Variants in PPP4R3A observed in about 807,000 individuals in gnomAD.
The protein encoded by PPP4R3A is protein phosphatase 4 regulatory subunit 3A, also known as serine/threonine-protein phosphatase 4 regulatory subunit 3A.
In PPP4R3A, 15 loss-of-function variants were observed where a neutral mutation model predicts 91.7. The ratio of observed to expected loss-of-function variants is 0.16; its 90% CI spans 0.11 to 0.25. The LOEUF (loss-of-function observed/expected upper bound fraction) is 0.25. Among genes scored for constraint, PPP4R3A ranks in the 10% least tolerant of loss-of-function variants. PPP4R3A has a pLI of 1.00. For synonymous variants in PPP4R3A, 377 were observed against 348.7 expected (o/e 1.08, Z -0.91); for missense variants, 623 against 998.4 (o/e 0.62, Z 5.07).
intron 1 of PPP4R3A, among the ~76,000 whole-genome samples, chr14:91,507,618 A>T (rs1193673621): frequency 9.7e-5 from 4 of 41,054 alleles, no homozygotes; most frequent in Non-Finnish European, 1.9e-4. Flanking sequence ...ATAGTTATAT[A>T]TACTATTATA....
chr14:91,488,769 G>A (rs1451938539), intron 2 of PPP4R3A, among the ~76,000 whole-genome samples: 10 of 152,006 alleles, frequency 6.6e-5, no homozygotes, highest in Admixed American at 2.0e-4. Flanking sequence ...AAGAGGCCAC[G>A]GTATAAATTC....
At chr14:91,485,246 G>A (rs1889814747) in intron 3 of PPP4R3A, among the ~76,000 whole-genome samples, 1 of 152,336 alleles carries the variant, frequency 6.6e-6, no homozygotes, top group South Asian at 2.1e-4. Flanking sequence ...TCGAGGGACT[G>A]AATGGATAAA....
At chr14:91,482,298 G>C in intron 3 of PPP4R3A, 105 bp from the exon 4 acceptor site, 1 of 1,279,004 alleles carries the variant, frequency 7.8e-7, no homozygotes, top group Middle Eastern at 1.9e-4. Context: ...AACCTATAAT[G>C]GTCATTTTCA....
At chr14:91,474,629 T>A (rs1407569078) in intron 7 of PPP4R3A, 15 of 152,022 alleles carry the variant, frequency 9.9e-5, no homozygotes, top group Admixed American at 9.8e-4. Flanking sequence ...CAAAGAATTT[T>A]TTTTTTTTTT....
intron 10 of PPP4R3A, among the ~76,000 whole-genome samples, chr14:91,470,274 T>C (rs1431384437): frequency 1.3e-5 from 2 of 152,230 alleles, no homozygotes; most frequent in African/African-American, 4.8e-5. Context: ...AACATGGTTT[T>C]CTCTAACAAA....
intron 2 of PPP4R3A, among the ~76,000 whole-genome samples, chr14:91,489,967 T>C (rs1846987285): frequency 6.6e-6 from 1 of 152,230 alleles, no homozygotes; most frequent in South Asian, 2.1e-4. Context: ...AACTTCTTTC[T>C]AGTATTTTAA....
At position 91,485,580 on chromosome 14, in the gene PPP4R3A, AAAAACT is replaced by A. The variant is rs1344379213; in HGVS notation, c.297+46_297+51del. 3 of 1,353,172 alleles carry A rather than the reference AAAAACT, an allele frequency of 2.2e-6. No homozygotes were observed. The Admixed American group carries it at 5.8e-5, about 26-fold the overall frequency. The allele number at this position is 1,353,172 out of a possible 1,614,324, so 83.8% of individuals were successfully genotyped here. ...TTGGGCATTAGTTGAAAGCATGGCA[AAAAACT>A]AAACACTTAAAGAAAGCATGTTGAT... On this transcript the variant is annotated intron_variant, in intron 3 of 14. Coordinates refer to ENST00000554943, the MANE Select transcript of PPP4R3A (RefSeq NM_001366432.2).
At chr14:91,471,626 G>A (rs550023269) in intron 9 of PPP4R3A, among the ~76,000 whole-genome samples, 1 of 152,306 alleles carries the variant, frequency 6.6e-6, no homozygotes, top group South Asian at 2.1e-4. Context: ...AGAACATGTG[G>A]TTTGGAAAGA....
chr14:91,485,024 G>A (rs887978626), intron 3 of PPP4R3A, among the ~76,000 whole-genome samples: 3 of 152,298 alleles, frequency 2.0e-5, no homozygotes, highest in Admixed American at 6.5e-5. Flanking sequence ...AAGTACAAGG[G>A]TGGGTTTTCT....
At chr14:91,504,723 C>G (rs1041752091) in intron 1 of PPP4R3A, among the ~76,000 whole-genome samples, 2 of 152,174 alleles carry the variant, frequency 1.3e-5, no homozygotes, top group Non-Finnish European at 2.9e-5. Context: ...AGTGGGACAT[C>G]CCTTTTCCTC....
intron 14 of PPP4R3A, among the ~76,000 whole-genome samples, chr14:91,460,411 G>T (rs1050068629): frequency 6.6e-6 from 1 of 151,554 alleles, no homozygotes; most frequent in Non-Finnish European, 1.5e-5. Flanking sequence ...CTTCTTAGCC[G>T]TCAGGAGTCT....
chr14:91,495,199 TAC>T (rs898571443), intron 1 of PPP4R3A, among the ~76,000 whole-genome samples: 44 of 152,228 alleles, frequency 2.9e-4, no homozygotes, highest in African/African-American at 1.0e-3. Context: ...TATACTCAGC[TAC>T]ACAGAGTAAT....
chr14:91,483,859 C>G (rs1441025576), intron 3 of PPP4R3A, among the ~76,000 whole-genome samples: 1 of 151,998 alleles, frequency 6.6e-6, no homozygotes, highest in Non-Finnish European at 1.5e-5. Flanking sequence ...ATATTAAAGA[C>G]CAAACAAAGG....
intron 14 of PPP4R3A, among the ~76,000 whole-genome samples, chr14:91,459,914 T>G (rs1888019510): frequency 6.6e-6 from 1 of 152,038 alleles, no homozygotes. Context: ...CTTTTTCTAT[T>G]TATTAGAGGT....
chr14:91,509,728 T>G lies in PPP4R3A; in HGVS notation c.-81A>C. ...CCCTGGAGAGGCGAGGGGCGAGGCG[T>G]GAGGGCGCCCGCGAGCGGAGGGCTC... On this transcript the variant is annotated 5_prime_UTR_variant, in exon 1 of 15. Coordinates refer to ENST00000554943, the MANE Select transcript of PPP4R3A (RefSeq NM_001366432.2). 1 of 1,422,600 alleles carries G rather than the reference T, an allele frequency of 7.0e-7. No individual in the cohort carries two copies. Among genetic ancestry groups the G allele is most frequent in the Non-Finnish European group, 9.1e-7 (1 of 1,096,912 alleles). 88.1% of individuals were successfully genotyped at this position (1,422,600 alleles called of 1,614,324 possible).
At chr14:91,463,273 C>T (rs898135665) in intron 11 of PPP4R3A, among the ~76,000 whole-genome samples, 1 of 151,876 alleles carries the variant, frequency 6.6e-6, no homozygotes, top group Non-Finnish European at 1.5e-5. Context: ...CCGTGTTGGT[C>T]AGGCTGGTCT....
Position 91,462,865 on chromosome 14 carries a change from A to G in PPP4R3A, c.1843T>C (p.Ser615Pro). ...FEFIRVEDIK[S>P]LTAHVIENYW... Reference sequence around the variant, plus strand: ...TTTTCAATTACATGAGCAGTTAATGATTTTATATCTTCCTACAGAAAAGAA... The same window carrying G: ...TTTTCAATTACATGAGCAGTTAATGGTTTTATATCTTCCTACAGAAAAGAA... The change falls in exon 12 of 15, where the codon TCA becomes CCA. Residue 615 changes from serine (S) to proline (P), a missense_variant. Ser to Pro is a moderately conservative substitution (Grantham distance 74). Coordinates refer to ENST00000554943, the MANE Select transcript of PPP4R3A (RefSeq NM_001366432.2). 6.3e-7 allele frequency: 1 copy of G among 1,594,898 alleles called. No homozygotes were observed. The highest frequency in any genetic ancestry group is 8.6e-7 in the Non-Finnish European group (1 of 1,165,938).
chr14:91,480,577 G>A (rs550462664), intron 4 of PPP4R3A, among the ~76,000 whole-genome samples: 118 of 152,254 alleles, frequency 7.8e-4, no homozygotes, highest in African/African-American at 2.7e-3. Flanking sequence ...GGTAGAGACA[G>A]GCCATAGCGC....
intron 10 of PPP4R3A, 150 bp downstream of exon 10, chr14:91,470,687 A>G: frequency 1.2e-6 from 1 of 816,890 alleles, no homozygotes; most frequent in Non-Finnish European, 1.9e-6. Context: ...ACACCTGCTC[A>G]ACATGGCAAA....
Sources: gnomAD v4.1 joint callset for allele counts (sites outside exome capture counted in the v4.1 genomes callset) on GRCh38, gnomAD v4.1.1 for gene constraint, MANE v1.5 for transcripts, NCBI Gene and HGNC (gene_info 2026-07-23, HGNC 2026-07-21) for gene names.